The following DLGAP2 variants were observed in gnomAD, a reference collection of about 807,000 sequenced individuals.
DLGAP2 encodes the protein disks large-associated protein 2.
A neutral mutation model predicts 100.3 loss-of-function variants in DLGAP2; 26 were observed. That is an observed-to-expected ratio of 0.26 (90% confidence interval 0.19 to 0.36). The LOEUF (loss-of-function observed/expected upper bound fraction) is 0.36, where lower values mean the gene tolerates loss of function less well. Ranked by LOEUF, DLGAP2 falls within the 10% of genes least tolerant of loss-of-function variation. DLGAP2 has a pLI of 1.00. For missense variants in DLGAP2, 1,858 were observed against 1,453.2 expected (o/e 1.28, Z -4.53); for synonymous variants, 886 against 630.1 (o/e 1.41, Z -6.08).
chr8:1,151,419 C>G (rs914134201), intron 2 of DLGAP2, among the ~76,000 whole-genome samples: 1 of 152,188 alleles, frequency 6.6e-6, no homozygotes, highest in Non-Finnish European at 1.5e-5. Context: ...AGTCACTGTA[C>G]AGAGGAAAAG....
Position 808,722 on chromosome 8 carries a change from AG to A in DLGAP2, c.18+70898del, listed in dbSNP as rs1412694128. Reference sequence around the variant, plus strand: ...ACAGGAGTGTGGGCCATCTCAGGGCAGCCTGCCAGCCAACCCACCTCACGCT... The same window carrying A: ...ACAGGAGTGTGGGCCATCTCAGGGCACCTGCCAGCCAACCCACCTCACGCT... On this transcript the variant is annotated intron_variant, in intron 1 of 14. Coordinates refer to ENST00000637795, the MANE Select transcript of DLGAP2 (RefSeq NM_001346810.2). Among the ~76,000 whole-genome samples the A allele has an allele frequency of 4.6e-5, 7 of 152,336 alleles. No homozygotes were observed. The South Asian group carries it at 8.3e-4, about 18-fold the overall frequency.
At chr8:1,342,437 C>T (rs1176269301) in intron 3 of DLGAP2, among the ~76,000 whole-genome samples, 1 of 152,190 alleles carries the variant, frequency 6.6e-6, no homozygotes, top group Non-Finnish European at 1.5e-5. Flanking sequence ...TGTTGACCCA[C>T]TCTGTTGTTA....
At chr8:995,364 AATATT>A (rs1800755585) in intron 2 of DLGAP2, among the ~76,000 whole-genome samples, 1 of 152,226 alleles carries the variant, frequency 6.6e-6, no homozygotes, top group African/African-American at 2.4e-5. Flanking sequence ...ATGTCAATGA[AATATT>A]ATAGTAACTT....
intron 2 of DLGAP2, among the ~76,000 whole-genome samples, chr8:915,862 G>A (rs926853964): frequency 6.7e-5 from 10 of 148,300 alleles, no homozygotes; most frequent in East Asian, 2.0e-4. Context: ...CAGTTCACCC[G>A]TCCGTCCATC....
chr8:1,030,192 G>A (rs777867913), intron 2 of DLGAP2, among the ~76,000 whole-genome samples: 6 of 152,188 alleles, frequency 3.9e-5, no homozygotes, highest in Non-Finnish European at 8.8e-5. Flanking sequence ...CTTGCTAACA[G>A]ACCCGAAAGC....
intron 3 of DLGAP2, among the ~76,000 whole-genome samples, chr8:1,381,729 G>A (rs1362611657): frequency 1.3e-5 from 2 of 151,632 alleles, no homozygotes; most frequent in African/African-American, 2.4e-5. Flanking sequence ...CAGCTCCATC[G>A]CGTTGCCGTG....
chr8:802,772 G>C (rs1342255246), intron 1 of DLGAP2, among the ~76,000 whole-genome samples: 2 of 152,134 alleles, frequency 1.3e-5, no homozygotes, highest in Non-Finnish European at 2.9e-5. Flanking sequence ...TAACATCTAA[G>C]ATCTCTTCAG....
chr8:1,512,211 A>C (rs1428360877), intron 4 of DLGAP2, among the ~76,000 whole-genome samples: 2 of 152,218 alleles, frequency 1.3e-5, no homozygotes, highest in Non-Finnish European at 2.9e-5. Context: ...TAGCAAACAG[A>C]TGTCCATTGT....
At chr8:1,634,704 C>A (rs1797728041) in intron 8 of DLGAP2, among the ~76,000 whole-genome samples, 1 of 152,172 alleles carries the variant, frequency 6.6e-6, no homozygotes, top group African/African-American at 2.4e-5. Context: ...CAATTAAGAA[C>A]TTTCATAGTC....
chr8:1,051,290 C>A (rs1167674447), intron 2 of DLGAP2, among the ~76,000 whole-genome samples: 1 of 152,104 alleles, frequency 6.6e-6, no homozygotes, highest in Non-Finnish European at 1.5e-5. Context: ...GAGCATTTTT[C>A]AGCAGCACTC....
chr8:1,271,622 A>G (rs944209555), intron 3 of DLGAP2, among the ~76,000 whole-genome samples: 1 of 152,180 alleles, frequency 6.6e-6, no homozygotes, highest in African/African-American at 2.4e-5. Flanking sequence ...ATGATGATGA[A>G]TATTGATCTA....
intron 6 of DLGAP2, among the ~76,000 whole-genome samples, chr8:1,573,089 T>C (rs1802807170): frequency 1.2e-5 from 1 of 81,394 alleles, no homozygotes; most frequent in Non-Finnish European, 2.3e-5. Flanking sequence ...TCTGATGAGA[T>C]GGAGAGGAGA....
rs548035167 is a variant in DLGAP2 at position 1,261,832 on chromosome 8, C to T, written c.106+2949C>T. On this transcript the variant is annotated intron_variant, in intron 3 of 14. Transcript: ENST00000637795. ...CGCAGAGAGTGGAATCTGAAATCAG[C>T]CTTTTTGTTTGGTAATTTCTTCAGC... is the stretch of plus-strand genomic sequence containing the variant. 7.2e-5 allele frequency among the ~76,000 whole-genome samples: 11 copies of T among 152,284 alleles called. No homozygotes were observed. The South Asian group carries it at 8.3e-4, about 11-fold the overall frequency.
intron 1 of DLGAP2, among the ~76,000 whole-genome samples, chr8:888,832 C>A (rs1329880773): frequency 6.6e-6 from 1 of 151,956 alleles, no homozygotes; most frequent in African/African-American, 2.4e-5. Context: ...TGTGACAACC[C>A]CTGTTGGAGG....
At chr8:936,134 G>T (rs1403828687) in intron 2 of DLGAP2, among the ~76,000 whole-genome samples, 1 of 152,172 alleles carries the variant, frequency 6.6e-6, no homozygotes, top group Non-Finnish European at 1.5e-5. Context: ...TGTACCGTGT[G>T]TCGCTGAGTC....
intron 3 of DLGAP2, among the ~76,000 whole-genome samples, chr8:1,294,548 A>G (rs953543687): frequency 1.3e-5 from 2 of 152,176 alleles, no homozygotes; most frequent in African/African-American, 4.8e-5. Flanking sequence ...TACAGCGAGG[A>G]TGGTGTGGCG....
At chr8:1,513,062 A>G (rs982688608) in intron 4 of DLGAP2, among the ~76,000 whole-genome samples, 50 of 133,968 alleles carry the variant, frequency 3.7e-4, no homozygotes, top group African/African-American at 5.1e-4. Context: ...AGGGAGGCTC[A>G]GTGGGATAAG....
At chr8:873,141 C>G (rs928148165) in intron 1 of DLGAP2, among the ~76,000 whole-genome samples, 1 of 152,238 alleles carries the variant, frequency 6.6e-6, no homozygotes, top group South Asian at 2.1e-4. Context: ...AGTGTAAATG[C>G]TTTGCATGAA....
intron 2 of DLGAP2, among the ~76,000 whole-genome samples, chr8:1,177,515 G>T (rs1321046303): frequency 6.6e-6 from 1 of 152,100 alleles, no homozygotes; most frequent in African/African-American, 2.4e-5. Context: ...TAGCACCATT[G>T]TTCTGGCTTG....
Sources: gnomAD v4.1 joint callset for allele counts (sites outside exome capture counted in the v4.1 genomes callset) on GRCh38, gnomAD v4.1.1 for gene constraint, MANE v1.5 for transcripts, NCBI Gene and HGNC (gene_info 2026-07-23, HGNC 2026-07-21) for gene names.